Variants in FAM117B observed in about 807,000 individuals in gnomAD.
FAM117B encodes protein FAM117B.
Under a neutral mutation model 52.8 loss-of-function variants are expected in FAM117B, and 22 were observed. That is an observed-to-expected ratio of 0.42 (90% CI 0.30 to 0.59). FAM117B has a LOEUF of 0.59. FAM117B is among the 20% of genes least tolerant of loss of function. The pLI, the probability that FAM117B is intolerant of heterozygous loss-of-function variation, is 0.22. For missense variants in FAM117B, 678 were observed against 802.6 expected (o/e 0.84, Z 1.88); for synonymous variants, 309 against 324.1 (o/e 0.95, Z 0.50).
At chr2:202,641,779 C>T (rs1241560306) in intron 1 of FAM117B, among the ~76,000 whole-genome samples, 4 of 149,194 alleles carry the variant, frequency 2.7e-5, no homozygotes, top group Non-Finnish European at 4.4e-5. Context: ...GCTGGGATTA[C>T]AGGCGCCTGC....
chr2:202,761,444 G>T (rs1264730199), intron 7 of FAM117B, among the ~76,000 whole-genome samples: 1 of 151,940 alleles, frequency 6.6e-6, no homozygotes, highest in Non-Finnish European at 1.5e-5. Context: ...GACCAGAGAG[G>T]TGTGTGTGTG....
At chr2:202,738,282 T>C (rs1349078853) in intron 4 of FAM117B, among the ~76,000 whole-genome samples, 10 of 152,204 alleles carry the variant, frequency 6.6e-5, no homozygotes, top group Non-Finnish European at 1.5e-4. Context: ...TTTTCTTTTA[T>C]GGGGATTACT....
chr2:202,753,095 A>G (rs947365102), intron 4 of FAM117B, among the ~76,000 whole-genome samples: 37 of 152,250 alleles, frequency 2.4e-4, no homozygotes, highest in Non-Finnish European at 5.9e-5. Context: ...AGCTGGAGGC[A>G]TCATGCTACC....
At chr2:202,646,413 G>T (rs1371790889) in intron 1 of FAM117B, among the ~76,000 whole-genome samples, 1 of 152,178 alleles carries the variant, frequency 6.6e-6, no homozygotes, top group African/African-American at 2.4e-5. Context: ...GAAAGAAGAC[G>T]CAGGGACTCC....
chr2:202,684,933 C>A (rs1187401981), intron 1 of FAM117B, among the ~76,000 whole-genome samples: 1 of 152,018 alleles, frequency 6.6e-6, no homozygotes, highest in Non-Finnish European at 1.5e-5. Context: ...GGCTATATAT[C>A]TGTTACTCGA....
chr2:202,762,325 C>T (rs1691902621), intron 7 of FAM117B, among the ~76,000 whole-genome samples: 1 of 152,016 alleles, frequency 6.6e-6, no homozygotes, highest in Non-Finnish European at 1.5e-5. Flanking sequence ...GATTTGGGCC[C>T]AAAAAGGACA....
intron 1 of FAM117B, among the ~76,000 whole-genome samples, chr2:202,640,342 A>ATATATATATATATG (rs1483516394): frequency 8.7e-6 from 1 of 114,854 alleles, no homozygotes; most frequent in Middle Eastern, 4.3e-3. Flanking sequence ...ATATATATAT[A>ATATATATATATATG]TGGCAAGTCG....
At position 202,728,151 on chromosome 2, in the gene FAM117B, T is replaced by A. The variant is rs1691284835; in HGVS notation, c.960+1788T>A. On this transcript the variant is annotated intron_variant, in intron 4 of 7. Coordinates refer to ENST00000392238, the MANE Select transcript of FAM117B (RefSeq NM_173511.4). ...TGCACCACCATGCCTGGCTAATATT[T>A]TTTATTTTTTATTTTTATTTTTGTA... Among the ~76,000 whole-genome samples the A allele has an allele frequency of 3.9e-5, 6 of 152,058 alleles. No homozygotes were observed. The South Asian group carries it at 1.2e-3, about 32-fold the overall frequency.
At chr2:202,670,267 A>ACTTTCTTTTTTCTTTT (rs1690269915) in intron 1 of FAM117B, among the ~76,000 whole-genome samples, 2 of 151,830 alleles carry the variant, frequency 1.3e-5, no homozygotes, top group Non-Finnish European at 2.9e-5. Flanking sequence ...CAAGGAGCAT[A>ACTTTCTTTTTTCTTTT]CTTTCTTTTT....
chr2:202,702,007 A>G (rs758990465), intron 2 of FAM117B, among the ~76,000 whole-genome samples: 1 of 152,224 alleles, frequency 6.6e-6, no homozygotes, highest in African/African-American at 2.4e-5. Context: ...TATGGGCAAT[A>G]TGCTACCCAC....
At chr2:202,735,449 T>C (rs988144385) in intron 4 of FAM117B, among the ~76,000 whole-genome samples, 1 of 152,210 alleles carries the variant, frequency 6.6e-6, no homozygotes, top group Non-Finnish European at 1.5e-5. Context: ...ATAGTTTTTC[T>C]TGGGCTTACA....
chr2:202,764,985 C>A (rs1282814380), intron 7 of FAM117B, among the ~76,000 whole-genome samples: 2 of 152,210 alleles, frequency 1.3e-5, no homozygotes, highest in Non-Finnish European at 2.9e-5. Context: ...CATTGTATAT[C>A]TTTAATTTCC....
chr2:202,760,049 CAT>C (rs150306539), intron 7 of FAM117B, among the ~76,000 whole-genome samples: 1,586 of 152,308 alleles, frequency 0.01, 25 homozygotes, highest in African/African-American at 0.036. Flanking sequence ...AGTGATCACT[CAT>C]ATATCTACAA....
At chr2:202,658,664 T>C (rs996966597) in intron 1 of FAM117B, among the ~76,000 whole-genome samples, 3 of 152,218 alleles carry the variant, frequency 2.0e-5, no homozygotes, top group African/African-American at 7.2e-5. Flanking sequence ...ATTGTTTTAC[T>C]CTTTTAGCTC....
At chr2:202,725,099 G>C in intron 3 of FAM117B, 90 bp downstream of exon 3, 1 of 910,452 alleles carries the variant, frequency 1.1e-6, no homozygotes. Context: ...AGGATTTGTC[G>C]TTTTCCATTG....
chr2:202,723,632 T>C (rs993713819), intron 2 of FAM117B, among the ~76,000 whole-genome samples: 4 of 152,166 alleles, frequency 2.6e-5, no homozygotes, highest in African/African-American at 9.7e-5. Flanking sequence ...TACTCTGTTA[T>C]AAAGGTATAC....
At chr2:202,729,416 C>T (rs1351416038) in intron 4 of FAM117B, among the ~76,000 whole-genome samples, 1 of 152,124 alleles carries the variant, frequency 6.6e-6, no homozygotes, top group African/African-American at 2.4e-5. Context: ...GGTGGGTTCT[C>T]TATCTAGTGG....
intron 1 of FAM117B, among the ~76,000 whole-genome samples, chr2:202,659,999 T>C (rs1306072616): frequency 2.0e-5 from 3 of 152,108 alleles, no homozygotes; most frequent in African/African-American, 7.2e-5. Flanking sequence ...TTTTTAGGCT[T>C]ACTGTTTCTT....
intron 2 of FAM117B, among the ~76,000 whole-genome samples, chr2:202,708,241 TCCCTAGCAATCA>T (rs1204931644): frequency 6.6e-6 from 1 of 152,162 alleles, no homozygotes; most frequent in Non-Finnish European, 1.5e-5. Context: ...ATCCCCCCAG[TCCCTAGCAATCA>T]CCATTCCATT....
Sources: allele counts gnomAD v4.1 joint callset (sites outside exome capture counted in the v4.1 genomes callset), GRCh38; gene constraint gnomAD v4.1.1; transcripts MANE v1.5; gene names NCBI Gene and HGNC (gene_info 2026-07-23, HGNC 2026-07-21).